SPOCK1: variants seen among roughly 807,000 people sequenced by gnomAD.
The protein encoded by SPOCK1 is SPARC (osteonectin), cwcv and kazal like domains proteoglycan 1.
Under a neutral mutation model 55.3 loss-of-function variants are expected in SPOCK1, and 23 were observed. The observed-to-expected ratio is 0.42, with a 90% CI of 0.30 to 0.59. SPOCK1 has a LOEUF of 0.59. Ranked by LOEUF, SPOCK1 falls within the 20% of genes least tolerant of loss-of-function variation. The pLI is 0.22. For synonymous variants in SPOCK1, 226 were observed against 221.0 expected, an observed-to-expected ratio of 1.02 and a Z score of -0.20; for missense variants, 499 against 552.5, an observed-to-expected ratio of 0.90 and a Z score of 0.97.
At chr5:137,211,348 C>A (rs1236286171) in intron 3 of SPOCK1, among the ~76,000 whole-genome samples, 1 of 152,180 alleles carries the variant, frequency 6.6e-6, no homozygotes, top group African/African-American at 2.4e-5. Flanking sequence ...CTACAAAATA[C>A]AGGGCACCTA....
intron 9 of SPOCK1, among the ~76,000 whole-genome samples, chr5:136,979,802 C>G (rs1750694240): frequency 6.6e-6 from 1 of 152,158 alleles, no homozygotes; most frequent in African/African-American, 2.4e-5. Flanking sequence ...TCCCACAACT[C>G]TAAGAGATAC....
Position 136,978,263 on chromosome 5 carries a change from A to C in SPOCK1, c.*391T>G, listed in dbSNP as rs1200930971. The C allele has an allele frequency of 3.3e-6, 1 of 300,356 alleles. No individual in the cohort carries two copies. Among genetic ancestry groups the C allele is most frequent in the African/African-American group, 2.1e-5 (1 of 46,638 alleles). The allele number at this position is 300,356 out of a possible 1,614,324, so 18.6% of individuals were successfully genotyped here. ...GCACTTAGACACTGTAAGGCTGGGA[A>C]CCATGCTGTAATAACCACCAGTGTG... On this transcript the variant is annotated 3_prime_UTR_variant, in exon 11 of 11. Transcript: ENST00000394945.
At chr5:137,078,799 C>G (rs73294123) in intron 5 of SPOCK1, among the ~76,000 whole-genome samples, 5,791 of 152,254 alleles carry the variant, frequency 0.038, 179 homozygotes, top group Middle Eastern at 0.088. Flanking sequence ...TCTCTTCTTC[C>G]TCCAATAGCT....
At chr5:137,299,828 T>C (rs1038773925) in intron 2 of SPOCK1, among the ~76,000 whole-genome samples, 1 of 152,172 alleles carries the variant, frequency 6.6e-6, no homozygotes, top group African/African-American at 2.4e-5. Flanking sequence ...GCTTTAAAAC[T>C]TTCTCTTTCT....
intron 3 of SPOCK1, among the ~76,000 whole-genome samples, chr5:137,255,757 G>A (rs1330680208): frequency 6.6e-6 from 1 of 152,224 alleles, no homozygotes; most frequent in African/African-American, 2.4e-5. Context: ...TTCAGGGCAA[G>A]GGCCTGAGAG....
chr5:137,037,839 A>T (rs1332789194), intron 6 of SPOCK1, among the ~76,000 whole-genome samples: 1 of 152,240 alleles, frequency 6.6e-6, no homozygotes, highest in African/African-American at 2.4e-5. Flanking sequence ...GAGGTGACCC[A>T]GGGGTGCTGG....
At chr5:137,402,137 C>A (rs1249609740) in intron 2 of SPOCK1, among the ~76,000 whole-genome samples, 1 of 152,160 alleles carries the variant, frequency 6.6e-6, no homozygotes, top group Non-Finnish European at 1.5e-5. Flanking sequence ...CCAGGGAAGA[C>A]AGGTTACAAG....
chr5:137,325,532 T>C (rs114973035), intron 2 of SPOCK1, among the ~76,000 whole-genome samples: 3,635 of 152,304 alleles, frequency 0.024, 140 homozygotes, highest in African/African-American at 0.083. Flanking sequence ...CTCTCTGAAG[T>C]TGTCTGCCAA....
At chr5:137,114,105 CCA>C (rs1753528842) in intron 4 of SPOCK1, among the ~76,000 whole-genome samples, 1 of 152,134 alleles carries the variant, frequency 6.6e-6, no homozygotes, top group African/African-American at 2.4e-5. Flanking sequence ...CAACAGGTAC[CCA>C]CAGCACAGCA....
At chr5:137,474,382 A>G (rs1387012929) in intron 2 of SPOCK1, among the ~76,000 whole-genome samples, 2 of 152,212 alleles carry the variant, frequency 1.3e-5, no homozygotes, top group Admixed American at 1.3e-4. Flanking sequence ...TGTGCGAAAA[A>G]TAAAGAGCCT....
At chr5:137,295,852 T>A (rs1473528144) in intron 2 of SPOCK1, among the ~76,000 whole-genome samples, 1 of 152,248 alleles carries the variant, frequency 6.6e-6, no homozygotes, top group African/African-American at 2.4e-5. Context: ...TCCTCATTTA[T>A]CACCTTCCTG....
intron 2 of SPOCK1, among the ~76,000 whole-genome samples, chr5:137,358,769 A>G (rs1561514536): frequency 6.6e-6 from 1 of 152,304 alleles, no homozygotes; most frequent in East Asian, 1.9e-4. Flanking sequence ...AGAGTTTGAT[A>G]TTCTTTGGCT....
At chr5:137,279,213 A>G (rs1016386388) in intron 2 of SPOCK1, among the ~76,000 whole-genome samples, 3 of 152,230 alleles carry the variant, frequency 2.0e-5, no homozygotes, top group Non-Finnish European at 4.4e-5. Flanking sequence ...ATGGAGCCCA[A>G]CTGAAACCAA....
intron 3 of SPOCK1, among the ~76,000 whole-genome samples, chr5:137,260,748 C>T (rs1243044952): frequency 6.6e-6 from 1 of 152,224 alleles, no homozygotes; most frequent in Non-Finnish European, 1.5e-5. Context: ...TAATAGCTTT[C>T]TGTTTCTTCC....
intron 5 of SPOCK1, among the ~76,000 whole-genome samples, chr5:137,077,962 G>A (rs1247592180): frequency 6.6e-6 from 1 of 152,096 alleles, no homozygotes; most frequent in Non-Finnish European, 1.5e-5. Context: ...AGATGAGAAG[G>A]AAAAGGGTAA....
Position 137,234,264 on chromosome 5 carries a change from T to C in SPOCK1, c.232+32746A>G, listed in dbSNP as rs748635400. Among the ~76,000 whole-genome samples the C allele has an allele frequency of 2.3e-4, 35 of 152,274 alleles. 1 individual carries two copies. Among genetic ancestry groups the C allele is most frequent in the Non-Finnish European group, 8.8e-5 (6 of 68,012 alleles). The stretch of plus-strand genomic sequence containing the variant: ...CCAGCAGGGAGGCCAGTATTTCCCT[T>C]AGCCTCTTACCCTGGGGCTGGGTTC... On this transcript the variant is annotated intron_variant, in intron 3 of 10. Transcript: ENST00000394945.
intron 2 of SPOCK1, among the ~76,000 whole-genome samples, chr5:137,476,287 C>A (rs1310508429): frequency 6.6e-6 from 1 of 152,008 alleles, no homozygotes; most frequent in Non-Finnish European, 1.5e-5. Context: ...AAGATGGTGA[C>A]CTGTGGCAGG....
intron 6 of SPOCK1, among the ~76,000 whole-genome samples, chr5:137,066,904 C>T (rs929246965): frequency 1.3e-5 from 2 of 151,724 alleles, no homozygotes; most frequent in Non-Finnish European, 2.9e-5. Flanking sequence ...TAGATAAACG[C>T]TCATACCCCA....
rs1753202439 is a variant in SPOCK1 at position 137,449,447 on chromosome 5, T to A, written c.186+48926A>T. The stretch of plus-strand genomic sequence containing the variant: ...CTGTGTTTTTTCAGTCTTAAGCAGT[T>A]CTGATTGTCTGTGTTTCCATGGCCA... On this transcript the variant is annotated intron_variant, in intron 2 of 10. Transcript: ENST00000394945. Among the ~76,000 whole-genome samples, 3 of 152,208 alleles carry A rather than the reference T, an allele frequency of 2.0e-5. 1 individual carries two copies. The South Asian group carries it at 6.2e-4, about 32-fold the overall frequency.
Sources: allele counts gnomAD v4.1 joint callset (sites outside exome capture counted in the v4.1 genomes callset), GRCh38; gene constraint gnomAD v4.1.1; transcripts MANE v1.5; gene names NCBI Gene and HGNC (gene_info 2026-07-23, HGNC 2026-07-21).